Variants in SERPINE2 observed in about 807,000 individuals in gnomAD.
SERPINE2 encodes glia-derived nexin.
SERPINE2 carries 14 observed loss-of-function variants against 36.3 expected under a neutral mutation model. That is an observed-to-expected ratio of 0.39 (90% CI 0.25 to 0.60). The LOEUF (loss-of-function observed/expected upper bound fraction) is 0.60. SERPINE2 is among the 20% of genes least tolerant of loss of function. The pLI is 0.57. For missense variants in SERPINE2, 418 were observed against 499.6 expected (o/e 0.84, Z 1.56); for synonymous variants, 192 against 191.8 (o/e 1.00, Z -0.01).
chr2:223,987,005 G>T (rs1022065807), intron 4 of SERPINE2, among the ~76,000 whole-genome samples: 2 of 152,094 alleles, frequency 1.3e-5, no homozygotes, highest in Non-Finnish European at 2.9e-5. Context: ...CTCAAGTACT[G>T]CATCCTTTTA....
intron 1 of SERPINE2, among the ~76,000 whole-genome samples, chr2:224,020,540 T>G (rs1045461411): frequency 2.0e-5 from 3 of 152,192 alleles, no homozygotes; most frequent in Admixed American, 1.3e-4. Flanking sequence ...TAATATAATA[T>G]GCTGCTGAGC....
At chr2:223,995,626 GTTTTT>G (rs1690854467) in intron 3 of SERPINE2, among the ~76,000 whole-genome samples, 2 of 152,114 alleles carry the variant, frequency 1.3e-5, no homozygotes, top group Non-Finnish European at 2.9e-5. Flanking sequence ...TTTTGTTTTT[GTTTTT>G]GTTTTTGCAT....
intron 1 of SERPINE2, among the ~76,000 whole-genome samples, chr2:224,002,925 C>A (rs2106166547): frequency 6.6e-6 from 1 of 152,244 alleles, no homozygotes; most frequent in South Asian, 2.1e-4. Context: ...CTCACCCGCA[C>A]TGAGCTTACA....
chr2:224,001,421 T>A, intron 2 of SERPINE2: 1 of 509,234 alleles, frequency 2.0e-6, no homozygotes, highest in South Asian at 3.2e-5. Context: ...GACCCCAAGC[T>A]CCAAAAGTAC....
intron 1 of SERPINE2, among the ~76,000 whole-genome samples, chr2:224,028,422 G>T (rs138941992): frequency 6.6e-6 from 1 of 152,194 alleles, no homozygotes; most frequent in Non-Finnish European, 1.5e-5. Flanking sequence ...AACCAAGTTT[G>T]TTTGACCTCT....
At chr2:224,001,336 T>C (rs1022750559) in intron 2 of SERPINE2, among the ~76,000 whole-genome samples, 3 of 152,152 alleles carry the variant, frequency 2.0e-5, no homozygotes, top group Admixed American at 6.5e-5. Flanking sequence ...CTGGGCGCCA[T>C]GGAGGCGGTA....
rs148692757 is a variant in SERPINE2 at position 223,980,384 on chromosome 2, G to A, written c.999C>T (p.Leu333=). 1.2e-6 allele frequency: 2 copies of A among 1,613,868 alleles called. No individual in the cohort carries two copies. Among genetic ancestry groups the A allele is most frequent in the African/African-American group, 2.7e-5 (2 of 74,928 alleles). ...NFAKITRSEN[L]HVSHILQKAK... is the part of the protein sequence containing the mutation. ...CTTTTTGCAAGATATGAGAAACATG[G>A]AGGTTTTCTGACCCTGCTTCCAGAA... Residue 333 remains leucine (L), a synonymous_variant, in exon 7 of 9, where the codon CTC becomes CTT. Coordinates refer to ENST00000409304, the MANE Select transcript of SERPINE2 (RefSeq NM_001136528.2).
At chr2:224,005,074 TATATATATA>T (rs1691361275) in intron 1 of SERPINE2, among the ~76,000 whole-genome samples, 1 of 66,448 alleles carries the variant, frequency 1.5e-5, no homozygotes, top group African/African-American at 3.7e-5. Flanking sequence ...ATTATATATA[TATATATATA>T]TATATATATA....
chr2:223,975,944 T>G, intron 8 of SERPINE2, 40 bp from the exon 9 acceptor site: 1 of 1,533,656 alleles, frequency 6.5e-7, no homozygotes, highest in Non-Finnish European at 8.9e-7. Flanking sequence ...CTCTGTAAAT[T>G]AATAATCCTT....
intron 3 of SERPINE2, among the ~76,000 whole-genome samples, chr2:223,992,344 T>TTTCTTCTTC: frequency 6.6e-6 from 1 of 151,892 alleles, no homozygotes; most frequent in South Asian, 2.1e-4. Flanking sequence ...TAATGAATTA[T>TTTCTTCTTC]TTCTTCTTCT....
intron 1 of SERPINE2, among the ~76,000 whole-genome samples, chr2:224,014,960 AGCATTTGGCAC>A (rs1451081417): frequency 2.0e-5 from 3 of 151,746 alleles, no homozygotes; most frequent in Non-Finnish European, 4.4e-5. Context: ...TCGCTCAGGG[AGCATTTGGCAC>A]TATCTGAAGA....
At chr2:223,978,916 T>C (rs969813172) in intron 7 of SERPINE2, 3 of 152,124 alleles carry the variant, frequency 2.0e-5, no homozygotes, top group Non-Finnish European at 4.4e-5. Flanking sequence ...ATAGGACCGT[T>C]GCCCTTATTT....
intron 1 of SERPINE2, among the ~76,000 whole-genome samples, chr2:224,035,930 G>A (rs755490390): frequency 2.6e-5 from 4 of 152,106 alleles, no homozygotes; most frequent in Admixed American, 6.5e-5. Flanking sequence ...TGGGCAGTGC[G>A]GGAGCCTGGC....
At chr2:223,980,219 G>A in intron 7 of SERPINE2, 92 bp downstream of exon 7, 1 of 1,037,814 alleles carries the variant, frequency 9.6e-7, no homozygotes, top group East Asian at 2.4e-5. Context: ...GCTGGAAAGA[G>A]GGTGCATTAC....
At position 223,984,789 on chromosome 2, in the gene SERPINE2, T is replaced by A. The variant is rs1217720025; in HGVS notation, c.847A>T (p.Ile283Phe). The change falls in exon 5 of 9, where the codon ATC (isoleucine) becomes TTC (phenylalanine). Residue 283 changes from isoleucine to phenylalanine, a missense_variant. By Grantham distance (21) the Ile-to-Phe change is conservative. Coordinates refer to ENST00000409304, the MANE Select transcript of SERPINE2 (RefSeq NM_001136528.2). ...ACCTGCACCCTCTTGGGCACCATGA[T>A]GCTCATCCAGCTGTCTATGGTCTTG... The part of the protein sequence containing the change: ...STKTIDSWMS[I>F]MVPKRVQVIL... 1 of 1,613,488 alleles carries A rather than the reference T, an allele frequency of 6.2e-7. No individual in the cohort carries two copies. Among genetic ancestry groups the A allele is most frequent in the Admixed American group, 1.7e-5 (1 of 60,008 alleles).
chr2:224,022,915 T>C (rs1692057047), intron 1 of SERPINE2, among the ~76,000 whole-genome samples: 1 of 152,214 alleles, frequency 6.6e-6, no homozygotes, highest in Non-Finnish European at 1.5e-5. Context: ...TTGATGGTTT[T>C]ATAAGTGTCT....
At chr2:224,035,196 T>C (rs1050992038) in intron 1 of SERPINE2, among the ~76,000 whole-genome samples, 1 of 152,090 alleles carries the variant, frequency 6.6e-6, no homozygotes, top group African/African-American at 2.4e-5. Context: ...CTGTCGATGA[T>C]CGTCTCAGCC....
chr2:224,001,594 A>C (rs1469010777), intron 2 of SERPINE2, 48 bp downstream of exon 2: 1 of 1,576,118 alleles, frequency 6.3e-7, no homozygotes, highest in Admixed American at 1.7e-5. Flanking sequence ...CTCCTGTCAC[A>C]AGACTCTCAG....
chr2:223,995,610 TTTTG>T (rs1451717845), intron 3 of SERPINE2, among the ~76,000 whole-genome samples: 2 of 130,364 alleles, frequency 1.5e-5, no homozygotes, highest in African/African-American at 2.6e-5. Flanking sequence ...GTTTTGGGTT[TTTTG>T]TTTTTGTTTT....
Sources: allele counts gnomAD v4.1 joint callset (sites outside exome capture counted in the v4.1 genomes callset), GRCh38; gene constraint gnomAD v4.1.1; transcripts MANE v1.5; gene names NCBI Gene and HGNC (gene_info 2026-07-23, HGNC 2026-07-21).